The following CHRM3 variants were observed in gnomAD, a reference collection of about 807,000 sequenced individuals.
CHRM3 encodes the protein muscarinic acetylcholine receptor M3.
CHRM3 carries 11 observed loss-of-function variants against 41.8 expected under a neutral mutation model. The ratio of observed to expected loss-of-function variants is 0.26; its 90% CI spans 0.17 to 0.44. The LOEUF (loss-of-function observed/expected upper bound fraction) is 0.44. CHRM3 is among the 20% of genes least tolerant of loss of function. The pLI is 1.00. For synonymous variants in CHRM3, 297 were observed against 301.4 expected (o/e 0.99, Z 0.15); for missense variants, 571 against 745.4 (o/e 0.77, Z 2.72).
At chr1:239,782,113 T>C (rs1443280928) in intron 5 of CHRM3, among the ~76,000 whole-genome samples, 1 of 152,138 alleles carries the variant, frequency 6.6e-6, no homozygotes. Flanking sequence ...GGTATTAGGA[T>C]AATGTTAGCC....
intron 1 of CHRM3, among the ~76,000 whole-genome samples, chr1:239,405,010 G>A (rs1224844023): frequency 6.6e-6 from 1 of 151,896 alleles, no homozygotes; most frequent in African/African-American, 2.4e-5. Flanking sequence ...TAGAACTGCT[G>A]TCTAAGTGCA....
intron 1 of CHRM3, among the ~76,000 whole-genome samples, chr1:239,455,322 A>T (rs1422708645): frequency 6.6e-6 from 1 of 151,592 alleles, no homozygotes; most frequent in African/African-American, 2.4e-5. Flanking sequence ...AAGTGCTGGG[A>T]TTACAGACCT....
intron 4 of CHRM3, among the ~76,000 whole-genome samples, chr1:239,652,581 C>T (rs1214721306): frequency 1.3e-5 from 2 of 151,958 alleles, no homozygotes; most frequent in African/African-American, 2.4e-5. Context: ...GAGGAAGAAG[C>T]GTTGTTGGTG....
At chr1:239,500,488 G>C (rs186886763) in intron 2 of CHRM3, among the ~76,000 whole-genome samples, 76 of 151,312 alleles carry the variant, frequency 5.0e-4, no homozygotes, top group Non-Finnish European at 8.2e-4. Flanking sequence ...ATGGGGGAGG[G>C]ATAGCATTTG....
At chr1:239,802,196 A>T (rs1161296347) in intron 5 of CHRM3, among the ~76,000 whole-genome samples, 1 of 152,196 alleles carries the variant, frequency 6.6e-6, no homozygotes, top group Admixed American at 6.5e-5. Context: ...GACATGACTG[A>T]TATCATTGGT....
chr1:239,717,716 G>A (rs797009972), intron 5 of CHRM3, among the ~76,000 whole-genome samples: 7 of 151,916 alleles, frequency 4.6e-5, no homozygotes, highest in Non-Finnish European at 5.9e-5. Context: ...AACAATGTCC[G>A]GGAAATTCAG....
At chr1:239,855,294 G>T (rs2149244088) in intron 6 of CHRM3, among the ~76,000 whole-genome samples, 1 of 152,180 alleles carries the variant, frequency 6.6e-6, no homozygotes, top group Middle Eastern at 3.4e-3. Context: ...TATAGAGAGG[G>T]TTTCAGGTTT....
At chr1:239,583,733 G>A (rs921403886) in intron 3 of CHRM3, among the ~76,000 whole-genome samples, 9 of 152,102 alleles carry the variant, frequency 5.9e-5, no homozygotes, top group African/African-American at 9.7e-5. Flanking sequence ...AGTCATCAGC[G>A]TAATCACCAT....
intron 4 of CHRM3, among the ~76,000 whole-genome samples, chr1:239,675,741 A>C (rs1657934734): frequency 6.6e-6 from 1 of 152,124 alleles, no homozygotes; most frequent in Admixed American, 6.5e-5. Flanking sequence ...CTCTTTCATG[A>C]GGGTGAGGCA....
At chr1:239,761,981 T>C (rs1271304277) in intron 5 of CHRM3, among the ~76,000 whole-genome samples, 2 of 152,160 alleles carry the variant, frequency 1.3e-5, no homozygotes, top group Non-Finnish European at 2.9e-5. Flanking sequence ...GCCTGGAAGC[T>C]CTCTCCCGGG....
At chr1:239,487,134 G>C (rs1402220187) in intron 1 of CHRM3, among the ~76,000 whole-genome samples, 1 of 152,120 alleles carries the variant, frequency 6.6e-6, no homozygotes, top group Admixed American at 6.5e-5. Context: ...GCCAAAATAG[G>C]TAGAATTTTG....
At chr1:239,830,595 T>G (rs2149096169) in intron 6 of CHRM3, among the ~76,000 whole-genome samples, 1 of 152,226 alleles carries the variant, frequency 6.6e-6, no homozygotes, top group South Asian at 2.1e-4. Flanking sequence ...TCCCAGCTAC[T>G]TGGGAGGCTA....
At chr1:239,400,331 T>G (rs1310710595) in intron 1 of CHRM3, among the ~76,000 whole-genome samples, 9 of 152,370 alleles carry the variant, frequency 5.9e-5, no homozygotes, top group African/African-American at 1.9e-4. Flanking sequence ...GTTTTTGACT[T>G]CCTTATATGT....
chr1:239,883,504 G>T (rs1189008843), intron 6 of CHRM3, among the ~76,000 whole-genome samples: 2 of 152,064 alleles, frequency 1.3e-5, no homozygotes, highest in Admixed American at 6.6e-5. Context: ...AACACTGCTT[G>T]CTCTCTATGT....
intron 3 of CHRM3, among the ~76,000 whole-genome samples, chr1:239,601,573 A>G (rs910294338): frequency 5.3e-5 from 8 of 152,172 alleles, no homozygotes; most frequent in African/African-American, 1.9e-4. Context: ...ATGGGTACCA[A>G]CAGTGTAGCA....
intron 1 of CHRM3, among the ~76,000 whole-genome samples, chr1:239,462,277 A>G (rs1216041717): frequency 1.3e-5 from 2 of 152,294 alleles, no homozygotes; most frequent in East Asian, 3.9e-4. Context: ...CCTTTTCATT[A>G]TATAAATTTG....
chr1:239,892,853 T>C (rs191907444), intron 6 of CHRM3, among the ~76,000 whole-genome samples: 3 of 152,330 alleles, frequency 2.0e-5, no homozygotes, highest in African/African-American at 7.2e-5. Context: ...TGTCTCTTTA[T>C]GTTTTGGGGT....
chr1:239,523,721 TTGTTGGAAC>T (rs1349246424), intron 2 of CHRM3, among the ~76,000 whole-genome samples: 1 of 152,148 alleles, frequency 6.6e-6, no homozygotes, highest in East Asian at 1.9e-4. Flanking sequence ...TATTGTATGT[TTGTTGGAAC>T]ATACGTGTCA....
At chr1:239,576,278 C>A (rs1299412862) in intron 3 of CHRM3, among the ~76,000 whole-genome samples, 4 of 151,942 alleles carry the variant, frequency 2.6e-5, no homozygotes, top group Non-Finnish European at 5.9e-5. Context: ...TACCCACCCC[C>A]ATCCCCAGGG....
Sources: allele counts gnomAD v4.1 joint callset (sites outside exome capture counted in the v4.1 genomes callset), GRCh38; gene constraint gnomAD v4.1.1; transcripts MANE v1.5; gene names NCBI Gene and HGNC (gene_info 2026-07-23, HGNC 2026-07-21).